Variants in ZNF320 observed in about 807,000 individuals in gnomAD.
The protein encoded by ZNF320 is zinc finger protein 320.
Under a neutral mutation model 6.8 loss-of-function variants are expected in ZNF320, and 2 were observed. The ratio of observed to expected loss-of-function variants is 0.29; its 90% CI spans 0.12 to 0.93. The LOEUF is 0.93. ZNF320 is among the 40% of genes least tolerant of loss of function. ZNF320 has a pLI of 0.55. For missense variants in ZNF320, 472 were observed against 611.0 expected, an observed-to-expected ratio of 0.77 and a Z score of 2.40; for synonymous variants, 208 against 203.2, an observed-to-expected ratio of 1.02 and a Z score of -0.20.
chr19:52,881,950 G>A lies in ZNF320; in HGVS notation c.176C>T (p.Ser59Leu). ...ISSKCMMNTL[S>L]STGQGNTEVI... ...TTCTGTATTGCCTTGCCCTGTTGAT[G>A]ACAATGTATTCATCATGCATTTGGA... The change falls in exon 6 of 6, where the codon TCA becomes TTA. Residue 59 changes from serine to leucine, a missense_variant. Physicochemically the swap from Ser to Leu is moderately radical, Grantham distance 145 (BLOSUM62 -2). Transcript: ENST00000682928. The A allele has an allele frequency of 6.2e-7, 1 of 1,606,566 alleles. No individual in the cohort carries two copies.
chr19:52,865,837 G>GATTATACACATATATTTATAT (rs1303066766), intron 5 of ZNF320, among the ~76,000 whole-genome samples: 1 of 80,004 alleles, frequency 1.2e-5, no homozygotes, highest in Non-Finnish European at 2.2e-5. Flanking sequence ...ATTTATATAT[G>GATTATACACATATATTTATAT]ATTATACACA....
chr19:52,881,148 C>G lies in ZNF320; in HGVS notation c.978G>C (p.Glu326Asp), dbSNP rs2063905363. ...LAGHRRVHTG[E>D]KPYRCEECDK... ...CGCATTCTTCACATCTGTAAGGTTT[C>G]TCTCCAGTGTGAACTCTACGATGTC... Residue 326 changes from glutamate (E) to aspartate (D), a missense_variant, in exon 6 of 6, where the codon GAG (glutamate) becomes GAC (aspartate). Transcript: ENST00000682928. The G allele has an allele frequency of 6.2e-7, 1 of 1,613,978 alleles. No homozygotes were observed. Among genetic ancestry groups the G allele is most frequent in the South Asian group, 1.1e-5 (1 of 91,078 alleles).
At chr19:52,895,883 T>C (rs2064455210) in intron 1 of ZNF320, 1 of 151,220 alleles carries the variant, frequency 6.6e-6, no homozygotes, top group Non-Finnish European at 1.5e-5. Context: ...TTCCAATATA[T>C]GATACAGACT....
chr19:52,890,162 A>C (rs1600646026), intron 4 of ZNF320, 79 bp downstream of exon 4: 2 of 1,576,206 alleles, frequency 1.3e-6, no homozygotes, highest in East Asian at 2.2e-5. Context: ...GCTTCAGACT[A>C]AGAGAAGATT....
At chr19:52,865,665 ATATAT>A (rs1223653217) in intron 5 of ZNF320, among the ~76,000 whole-genome samples, 26 of 122,000 alleles carry the variant, frequency 2.1e-4, no homozygotes, top group Non-Finnish European at 3.1e-4. Context: ...GATTATACAT[ATATAT>A]TATATGATTA....
upstream of ZNF320, among the ~76,000 whole-genome samples, chr19:52,899,435 G>A (rs568393201): frequency 1.3e-5 from 2 of 152,180 alleles, no homozygotes; most frequent in East Asian, 3.9e-4. Flanking sequence ...GCAAGTAGTC[G>A]AGAGCTAGTC....
intron 5 of ZNF320, chr19:52,865,402 C>G (rs2063524672): frequency 3.6e-6 from 1 of 278,764 alleles, no homozygotes; most frequent in Non-Finnish European, 6.8e-6. Context: ...AATCACGGCC[C>G]TGTATAAAGC....
In ZNF320 at chr19:52,881,427, T is replaced by G; in HGVS notation, c.699A>C (p.Ala233=). ...GKVFDQKATL[A]CHHRSHTGEK... ...CTCCAGTATGACTTCTATGATGACATGCAAGGGTTGCTTTTTGATCAAAAA... is the reference window on the plus strand; with the variant it reads ...CTCCAGTATGACTTCTATGATGACAGGCAAGGGTTGCTTTTTGATCAAAAA... The change falls in exon 6 of 6, where the codon GCA becomes GCC. Residue 233 remains alanine, a synonymous_variant. Coordinates refer to ENST00000682928, the MANE Select transcript of ZNF320 (RefSeq NM_001351774.2). 1 of 1,614,160 alleles carries G rather than the reference T, an allele frequency of 6.2e-7. No individual in the cohort carries two copies.
downstream of ZNF320, among the ~76,000 whole-genome samples, chr19:52,860,013 C>G (rs576750844): frequency 6.6e-6 from 1 of 151,502 alleles, no homozygotes; most frequent in African/African-American, 2.4e-5. Flanking sequence ...CCCGGGTTCA[C>G]GCCATTCTCC....
downstream of ZNF320, among the ~76,000 whole-genome samples, chr19:52,873,121 A>G (rs1438950772): frequency 6.6e-6 from 1 of 152,044 alleles, no homozygotes; most frequent in Non-Finnish European, 1.5e-5. Context: ...ATTCCCAGGG[A>G]GGAGCAGGAG....
chr19:52,903,344 G>C, the ZNF320 span, among the ~76,000 whole-genome samples: 4 of 152,042 alleles, frequency 2.6e-5, no homozygotes, highest in Non-Finnish European at 5.9e-5. Context: ...AATTGGTATA[G>C]ATGGCCTCTT....
downstream of ZNF320, among the ~76,000 whole-genome samples, chr19:52,871,775 C>T (rs1417177520): frequency 1.3e-5 from 2 of 152,166 alleles, no homozygotes; most frequent in East Asian, 3.8e-4. Flanking sequence ...TGAGCAAATG[C>T]TTTTCTCATG....
downstream of ZNF320, among the ~76,000 whole-genome samples, chr19:52,871,626 C>T (rs1478780073): frequency 1.3e-5 from 2 of 152,114 alleles, no homozygotes; most frequent in Non-Finnish European, 2.9e-5. Flanking sequence ...TTACTCACTC[C>T]CAGAAAATCA....
At chr19:52,890,454 G>T (rs34109842) in intron 3 of ZNF320, 126 bp from the exon 4 acceptor site, 128,848 of 778,300 alleles carry the variant, frequency 0.17, 11,921 homozygotes, top group East Asian at 0.31. Flanking sequence ...ACTGCCCCAG[G>T]GATGATAAAC....
intron 5 of ZNF320, chr19:52,865,495 AT>A (rs2063533793): frequency 7.2e-6 from 1 of 138,308 alleles, no homozygotes; most frequent in Non-Finnish European, 1.5e-5. Context: ...ATACATATAT[AT>A]TATACATATA....
Position 52,893,783 on chromosome 19 carries a change from C to T in ZNF320, c.-196G>A, listed in dbSNP as rs1359437752. 2 of 152,222 alleles carry T rather than the reference C, an allele frequency of 1.3e-5. No homozygotes were observed. The highest frequency in any genetic ancestry group is 2.9e-5 in the Non-Finnish European group (2 of 68,050). 9.4% of individuals were successfully genotyped at this position (152,222 alleles called of 1,614,324 possible). On this transcript the variant is annotated 5_prime_UTR_variant, in exon 2 of 6. Coordinates refer to ENST00000682928, the MANE Select transcript of ZNF320 (RefSeq NM_001351774.2). The stretch of plus-strand genomic sequence containing the variant: ...GACACAACCAAAGCTACTCACCAGG[C>T]TGAGGTGGGAGAATTGCTTGAGCCC...
chr19:52,901,979 T>C (rs138363118), upstream of ZNF320, among the ~76,000 whole-genome samples: 27 of 151,162 alleles, frequency 1.8e-4, no homozygotes, highest in African/African-American at 6.5e-4. Flanking sequence ...GCCTCAGGGC[T>C]GGGGCTGACA....
upstream of ZNF320, among the ~76,000 whole-genome samples, chr19:52,901,269 T>G (rs1942048419): frequency 6.6e-6 from 1 of 152,210 alleles, no homozygotes; most frequent in Non-Finnish European, 1.5e-5. Flanking sequence ...TTTGTCTAAC[T>G]TCAGTGACTT....
At chr19:52,890,922 G>T (rs755909605) in intron 3 of ZNF320, among the ~76,000 whole-genome samples, 2 of 152,030 alleles carry the variant, frequency 1.3e-5, no homozygotes. Flanking sequence ...AGGCCGAGGT[G>T]GGTGGATTAC....
Sources: gnomAD v4.1 joint callset for allele counts (sites outside exome capture counted in the v4.1 genomes callset) on GRCh38, gnomAD v4.1.1 for gene constraint, MANE v1.5 for transcripts, NCBI Gene and HGNC (gene_info 2026-07-23, HGNC 2026-07-21) for gene names.